Variants in PARP8 observed in about 807,000 individuals in gnomAD.
PARP8 encodes protein mono-ADP-ribosyltransferase PARP8.
In PARP8, 51 loss-of-function variants were observed where a neutral mutation model predicts 124.1. The ratio of observed to expected loss-of-function variants is 0.41; its 90% CI spans 0.33 to 0.52. PARP8 has a LOEUF of 0.52. Ranked by LOEUF, PARP8 falls within the 20% of genes least tolerant of loss-of-function variation. PARP8 has a pLI of 0.21. For missense variants in PARP8, 860 were observed against 1,018.9 expected, an observed-to-expected ratio of 0.84 and a Z score of 2.12; for synonymous variants, 391 against 361.5, an observed-to-expected ratio of 1.08 and a Z score of -0.93.
chr5:50,807,926 A>G lies in PARP8; in HGVS notation c.1576-7506A>G, dbSNP rs185216440. Among the ~76,000 whole-genome samples, 4 of 152,144 alleles carry G rather than the reference A, an allele frequency of 2.6e-5. No individual in the cohort carries two copies. The East Asian group carries it at 7.8e-4, about 30-fold the overall frequency. ...GAGATTCCAGTCTGCTGATTCCCAAATATGTTTGCACATGTCTGTCACCCA... is the reference window on the plus strand; with the variant it reads ...GAGATTCCAGTCTGCTGATTCCCAAGTATGTTTGCACATGTCTGTCACCCA... On this transcript the variant is annotated intron_variant, in intron 14 of 25. Coordinates refer to ENST00000281631, the MANE Select transcript of PARP8 (RefSeq NM_024615.4).
At chr5:50,762,843 G>A (rs543267197) in intron 6 of PARP8, among the ~76,000 whole-genome samples, 1 of 152,274 alleles carries the variant, frequency 6.6e-6, no homozygotes, top group East Asian at 1.9e-4. Context: ...TTACAGAGGG[G>A]AAGTAACTGC....
chr5:50,682,912 C>T (rs1278875610), intron 2 of PARP8, among the ~76,000 whole-genome samples: 2 of 143,228 alleles, frequency 1.4e-5, no homozygotes, highest in African/African-American at 5.1e-5. Context: ...AATATAGGAA[C>T]ATATGGTCTA....
Position 50,689,199 on chromosome 5 carries a change from G to A in PARP8, c.146+21074G>A, listed in dbSNP as rs76294738. The stretch of plus-strand genomic sequence containing the variant: ...TGGGCTCTTTGAAACTGTAAACTGT[G>A]TTCTCTGTCCTTTTTTCCACACCAT... On this transcript the variant is annotated intron_variant, in intron 2 of 25. Transcript: ENST00000281631. Among the ~76,000 whole-genome samples, 1,132 of 152,048 alleles carry A rather than the reference G, an allele frequency of 7.4e-3. 8 individuals are homozygous for A. Among genetic ancestry groups the A allele is most frequent in the East Asian group, 0.039 (200 of 5,172 alleles).
intron 2 of PARP8, among the ~76,000 whole-genome samples, chr5:50,743,541 A>C (rs1306552434): frequency 1.3e-5 from 2 of 152,114 alleles, no homozygotes; most frequent in East Asian, 3.9e-4. Flanking sequence ...AGAATTAATA[A>C]GTGCTGGAGT....
chr5:50,797,648 G>A (rs1742711947), intron 14 of PARP8, among the ~76,000 whole-genome samples: 1 of 152,120 alleles, frequency 6.6e-6, no homozygotes, highest in Non-Finnish European at 1.5e-5. Flanking sequence ...AGTTAAAAGA[G>A]GTACACAGTA....
rs561117977 is a variant in PARP8, at chr5:50,716,009, AT to A, written c.147-34140del. Among the ~76,000 whole-genome samples the A allele has an allele frequency of 7.8e-4, 118 of 152,240 alleles. 3 individuals carry two copies. In the South Asian group the frequency reaches 0.024, roughly 31 times the overall value. On this transcript the variant is annotated intron_variant, in intron 2 of 25. Transcript: ENST00000281631. ...ACAAAAGTACATATGAATGAATAAA[AT>A]TGATGTTGTAGCAAGAATCCAAAAT...
At chr5:50,824,823 A>C (rs1746165134) in intron 17 of PARP8, 85 bp from the exon 18 acceptor site, 1 of 1,051,510 alleles carries the variant, frequency 9.5e-7, no homozygotes, top group South Asian at 1.3e-5. Flanking sequence ...TAGATTAGGC[A>C]TATCGTTTGG....
rs1434927079 is a variant in PARP8, at chr5:50,699,970, T to C, written c.146+31845T>C. Among the ~76,000 whole-genome samples the C allele has an allele frequency of 2.0e-5, 3 of 152,170 alleles. No individual in the cohort carries two copies. In the East Asian group the frequency reaches 5.8e-4, roughly 29 times the overall value. On this transcript the variant is annotated intron_variant, in intron 2 of 25. Coordinates refer to ENST00000281631, the MANE Select transcript of PARP8 (RefSeq NM_024615.4). ...TCCATTAACTTGCAAAAAGGATAGA[T>C]AGCATGACTCATGGAACCTGTCTTC...
intron 7 of PARP8, among the ~76,000 whole-genome samples, chr5:50,764,892 G>T (rs1760903973): frequency 6.7e-6 from 1 of 150,222 alleles, no homozygotes; most frequent in South Asian, 2.1e-4. Context: ...TCTACATCTC[G>T]ATATACACCA....
intron 25 of PARP8, among the ~76,000 whole-genome samples, chr5:50,837,664 T>C (rs1309787857): frequency 6.6e-6 from 1 of 151,970 alleles, no homozygotes; most frequent in Non-Finnish European, 1.5e-5. Flanking sequence ...AACAGTCACA[T>C]AGTATGCTAA....
chr5:50,680,825 G>A (rs1441966745), intron 2 of PARP8, among the ~76,000 whole-genome samples: 1 of 152,122 alleles, frequency 6.6e-6, no homozygotes, highest in East Asian at 1.9e-4. Context: ...ATTTGGCATA[G>A]ATCCATTCAG....
At chr5:50,809,338 A>G (rs1744189708) in intron 14 of PARP8, among the ~76,000 whole-genome samples, 1 of 152,090 alleles carries the variant, frequency 6.6e-6, no homozygotes, top group African/African-American at 2.4e-5. Context: ...CATTTTTTCA[A>G]TACCAGTTTT....
intron 20 of PARP8, 47 bp from the exon 21 acceptor site, chr5:50,828,265 T>C: frequency 6.5e-7 from 1 of 1,543,700 alleles, no homozygotes; most frequent in Non-Finnish European, 8.9e-7. Context: ...ACTTTGAAGA[T>C]AATTAATTTT....
At chr5:50,742,627 T>G (rs943639210) in intron 2 of PARP8, among the ~76,000 whole-genome samples, 20 of 152,174 alleles carry the variant, frequency 1.3e-4, no homozygotes, top group African/African-American at 4.8e-4. Context: ...TGTGAAAATT[T>G]GCAAAAACAA....
intron 9 of PARP8, among the ~76,000 whole-genome samples, chr5:50,783,469 G>A (rs549333286): frequency 1.3e-5 from 2 of 152,132 alleles, no homozygotes; most frequent in Non-Finnish European, 2.9e-5. Flanking sequence ...ATGCTATCGT[G>A]CTATAGATTT....
intron 10 of PARP8, among the ~76,000 whole-genome samples, chr5:50,792,102 G>A (rs1244684651): frequency 6.6e-6 from 1 of 152,010 alleles, no homozygotes; most frequent in Admixed American, 6.6e-5. Flanking sequence ...TGCTCTTGAC[G>A]CGATGCAAAT....
chr5:50,718,251 G>C (rs139575426), intron 2 of PARP8, among the ~76,000 whole-genome samples: 5 of 152,078 alleles, frequency 3.3e-5, no homozygotes, highest in African/African-American at 1.2e-4. Context: ...TTGACATTAG[G>C]TAAGAGCTTT....
At chr5:50,747,609 A>T (rs1758732493) in intron 2 of PARP8, among the ~76,000 whole-genome samples, 1 of 151,904 alleles carries the variant, frequency 6.6e-6, no homozygotes, top group Non-Finnish European at 1.5e-5. Flanking sequence ...TGACGAACTG[A>T]CACGTTTATC....
In PARP8 at chr5:50,815,510, G is replaced by A. The variant is rs1300386505; in HGVS notation, c.1654G>A (p.Ala552Thr). The part of the protein sequence containing the change: ...GVMNEAADEI[A>T]TGAQVVDLLV... Reference sequence around the variant, plus strand: ...AATGAATGAAGCTGCTGATGAAATAGCAACTGGAGCTCAGGTAGTAACACA... The same window carrying A: ...AATGAATGAAGCTGCTGATGAAATAACAACTGGAGCTCAGGTAGTAACACA... Residue 552 changes from alanine (A) to threonine (T), a missense_variant, in exon 15 of 26, where the codon GCA (alanine) becomes ACA (threonine). Ala to Thr is a moderately conservative substitution (Grantham distance 58). This residue lies in a region of PARP8 where 343 missense variants were observed against 474.7 expected (regional missense o/e 0.72). Coordinates refer to ENST00000281631, the MANE Select transcript of PARP8 (RefSeq NM_024615.4). 6.3e-7 allele frequency: 1 copy of A among 1,592,118 alleles called. No individual in the cohort carries two copies. Among genetic ancestry groups the A allele is most frequent in the Admixed American group, 1.8e-5 (1 of 56,252 alleles).
Sources: allele counts gnomAD v4.1 joint callset (sites outside exome capture counted in the v4.1 genomes callset), GRCh38; gene constraint gnomAD v4.1.1; regional missense constraint gnomAD v4.1.1; transcripts MANE v1.5; gene names NCBI Gene and HGNC (gene_info 2026-07-23, HGNC 2026-07-21).